OR1L8: variants seen among roughly 807,000 people sequenced by gnomAD.
OR1L8 encodes the protein olfactory receptor 1L8.
For synonymous variants in OR1L8, 148 were observed against 147.0 expected (o/e 1.01, Z -0.05); for missense variants, 330 against 377.4 (o/e 0.87, Z 1.04).
chr9:122,553,341 G>A, the OR1L8 span: 1 of 1,613,890 alleles, frequency 6.2e-7, no homozygotes, highest in Non-Finnish European at 8.5e-7. Flanking sequence ...CACCATGGTG[G>A]GGAACCTGCT....
intron 4 of OR1L8, among the ~76,000 whole-genome samples, chr9:122,571,418 C>T (rs1169653161): frequency 6.6e-6 from 1 of 151,716 alleles, no homozygotes; most frequent in South Asian, 2.1e-4. Flanking sequence ...GGCATGGTGG[C>T]GGGGGCCTGT....
At chr9:122,554,111 G>T in the OR1L8 span, 1 of 1,613,714 alleles carries the variant, frequency 6.2e-7, no homozygotes, top group Non-Finnish European at 8.5e-7. Flanking sequence ...ACAGAGACAT[G>T]AAGGAGGCTT....
chr9:122,548,029 C>A, the OR1L8 span, among the ~76,000 whole-genome samples: 1 of 152,238 alleles, frequency 6.6e-6, no homozygotes, highest in African/African-American at 2.4e-5. Flanking sequence ...ATTTTCATTT[C>A]TCTGATGGTT....
chr9:122,574,295 G>T (rs1045836515), intron 3 of OR1L8, among the ~76,000 whole-genome samples: 1 of 152,140 alleles, frequency 6.6e-6, no homozygotes, highest in African/African-American at 2.4e-5. Context: ...CCGAATTCAG[G>T]AGAATTGACC....
chr9:122,568,673 G>A lies in OR1L8; in HGVS notation c.-196C>T, dbSNP rs16911911. 0.011 allele frequency: 5,675 copies of A among 512,758 alleles called. 262 individuals are homozygous for A. The highest frequency in any genetic ancestry group is 0.097 in the African/African-American group (5,052 of 52,328). 31.8% of individuals were successfully genotyped at this position (512,758 alleles called of 1,614,324 possible). ...CTTCCCAAATCTATGGGCTCCATAAGGGCATTATATTGAAATCTGGAGGGA... is the reference window on the plus strand; with the variant it reads ...CTTCCCAAATCTATGGGCTCCATAAAGGCATTATATTGAAATCTGGAGGGA... On this transcript the variant is annotated 5_prime_UTR_variant, in exon 5 of 5. Transcript: ENST00000641027.
chr9:122,567,905 A>C lies in OR1L8; in HGVS notation c.573T>G (p.Ser191=), dbSNP rs10985702. 550,310 of 1,613,168 alleles carry C rather than the reference A, an allele frequency of 0.34. 102,549 individuals carry two copies. The highest frequency in any genetic ancestry group is 0.83 in the East Asian group (37,329 of 44,866). The change falls in exon 5 of 5, where the codon TCT becomes TCG. Residue 191 remains serine, a synonymous_variant. Transcript: ENST00000641027. ...GCACAATTTCATTGACAAATATGGAAGAGCAGGACAATTTCAGCACAGGGC... is the reference window on the plus strand; with the variant it reads ...GCACAATTTCATTGACAAATATGGACGAGCAGGACAATTTCAGCACAGGGC... ...DLSPVLKLSC[S]SIFVNEIVQM...
At chr9:122,553,550 T>C in the OR1L8 span, 1 of 1,614,150 alleles carries the variant, frequency 6.2e-7, no homozygotes, top group Non-Finnish European at 8.5e-7. Flanking sequence ...TTGGTGGCCT[T>C]GACAACTGCC....
chr9:122,577,785 C>A (rs73565628), intron 2 of OR1L8, among the ~76,000 whole-genome samples: 3,841 of 152,250 alleles, frequency 0.025, 112 homozygotes, highest in African/African-American at 0.068. Context: ...GAAAGTGGTA[C>A]AAACATATCT....
chr9:122,561,290 T>C, the OR1L8 span, among the ~76,000 whole-genome samples: 2 of 152,166 alleles, frequency 1.3e-5, no homozygotes, highest in African/African-American at 4.8e-5. Context: ...AACATGCCCC[T>C]TTAGCTCAGC....
chr9:122,567,737 G>A lies in OR1L8; in HGVS notation c.741C>T (p.Thr247=), dbSNP rs150427044. The A allele has an allele frequency of 3.6e-5, 58 of 1,614,038 alleles. No homozygotes were observed. In the African/African-American group the frequency reaches 4.7e-4, roughly 13 times the overall value. ...TGCTTCCATAAAAGAGCGTCACCACGGTGAGGTAAAAACCACAGGTGGAGA... is the reference window on the plus strand; with the variant it reads ...TGCTTCCATAAAAGAGCGTCACCACAGTGAGGTAAAAACCACAGGTGGAGA... ...KAFSTCGFYL[T]VVTLFYGSIF... The change falls in exon 5 of 5, where the codon ACC becomes ACT. Residue 247 remains threonine, a synonymous_variant. Coordinates refer to ENST00000641027, the MANE Select transcript of OR1L8 (RefSeq NM_001004454.2).
At chr9:122,546,683 C>T in the OR1L8 span, among the ~76,000 whole-genome samples, 9 of 152,222 alleles carry the variant, frequency 5.9e-5, no homozygotes, top group East Asian at 1.5e-3. Flanking sequence ...AAATGTAGTA[C>T]TTAGAATTTA....
Position 122,583,314 on chromosome 9 carries a change from AACTC to A in OR1L8, c.-600+3_-600+6del, listed in dbSNP as rs1455449696. Reference sequence around the variant, plus strand: ...AAAAAAAAAACAGTAAAATATGAGAAACTCACAGTCAAGAGAAGCCGAAGGAGAC... The same window carrying A: ...AAAAAAAAAACAGTAAAATATGAGAAACAGTCAAGAGAAGCCGAAGGAGAC... On this transcript the variant is annotated splice_donor_5th_base_variant and intron_variant, in intron 1 of 4. Transcript: ENST00000641027. 5.9e-5 allele frequency: 9 copies of A among 152,074 alleles called. No homozygotes were observed. Among genetic ancestry groups the A allele is most frequent in the South Asian group, 4.1e-4 (2 of 4,824 alleles). 9.4% of individuals were successfully genotyped at this position (152,074 alleles called of 1,614,324 possible). A position where few individuals can be genotyped will look rare whatever the true frequency, so the allele number is the denominator to read the frequency against.
downstream of OR1L8, among the ~76,000 whole-genome samples, chr9:122,565,905 T>G (rs1029174384): frequency 6.6e-6 from 1 of 152,220 alleles, no homozygotes; most frequent in Non-Finnish European, 1.5e-5. Context: ...ACTGGACTCC[T>G]AAACTCAGGC....
At chr9:122,561,315 C>T in the OR1L8 span, among the ~76,000 whole-genome samples, 10 of 152,268 alleles carry the variant, frequency 6.6e-5, no homozygotes, top group South Asian at 1.0e-3. Context: ...TTTGTTATTA[C>T]CCACCTTCTG....
intron 4 of OR1L8, among the ~76,000 whole-genome samples, chr9:122,570,818 A>G (rs745966922): frequency 5.4e-5 from 8 of 147,842 alleles, no homozygotes; most frequent in African/African-American, 1.7e-4. Flanking sequence ...CAATAATATT[A>G]ACAAATATTT....
At chr9:122,554,166 G>A in the OR1L8 span, 1 of 1,602,522 alleles carries the variant, frequency 6.2e-7, no homozygotes, top group Non-Finnish European at 8.5e-7. Context: ...TTTATGATTA[G>A]ACATCTAGAC....
chr9:122,565,865 C>A (rs894640989), downstream of OR1L8, among the ~76,000 whole-genome samples: 1 of 152,042 alleles, frequency 6.6e-6, no homozygotes, highest in Non-Finnish European at 1.5e-5. Context: ...ATGTTGACAC[C>A]CATGAGAATA....
intron 3 of OR1L8, among the ~76,000 whole-genome samples, chr9:122,576,147 C>T (rs1269308782): frequency 1.3e-5 from 2 of 152,030 alleles, no homozygotes; most frequent in African/African-American, 4.8e-5. Flanking sequence ...CATTTTTTTG[C>T]TGTTGACTTG....
chr9:122,558,311 CTTTTTTTTTTTT>C, the OR1L8 span, among the ~76,000 whole-genome samples: 2 of 34,472 alleles, frequency 5.8e-5, no homozygotes, highest in African/African-American at 1.2e-4. Flanking sequence ...TTGGATTTTG[CTTTTTTTTTTTT>C]TTTTTTTTTT....
Sources: gnomAD v4.1 joint callset for allele counts (sites outside exome capture counted in the v4.1 genomes callset) on GRCh38, gnomAD v4.1.1 for gene constraint, MANE v1.5 for transcripts, NCBI Gene and HGNC (gene_info 2026-07-23, HGNC 2026-07-21) for gene names.